TACR1: variants seen among roughly 807,000 people sequenced by gnomAD.
TACR1 encodes substance-P receptor.
TACR1 carries 25 observed loss-of-function variants against 35.8 expected under a neutral mutation model. The observed-to-expected ratio is 0.70, with a 90% CI of 0.51 to 0.98. The LOEUF is 0.98. Among genes scored for constraint, TACR1 ranks in the 50% least tolerant of loss-of-function variants. The probability of loss-of-function intolerance (pLI) is 0.00; values close to 1 mark genes in which losing one functional copy is unlikely to be tolerated. For synonymous variants in TACR1, 195 were observed against 206.7 expected (o/e 0.94, Z 0.48); for missense variants, 478 against 522.9 (o/e 0.91, Z 0.84).
intron 2 of TACR1, among the ~76,000 whole-genome samples, chr2:75,106,627 G>GT (rs1022581889): frequency 6.6e-6 from 1 of 151,878 alleles, no homozygotes. Flanking sequence ...ATAAATGGAA[G>GT]TAAAAAATGA....
chr2:75,121,787 T>C (rs1453559409), intron 1 of TACR1, among the ~76,000 whole-genome samples: 1 of 152,204 alleles, frequency 6.6e-6, no homozygotes, highest in Non-Finnish European at 1.5e-5. Context: ...CATTTAAATA[T>C]TATCTGACAA....
intron 1 of TACR1, among the ~76,000 whole-genome samples, chr2:75,182,627 G>A (rs768269281): frequency 1.3e-5 from 2 of 152,170 alleles, no homozygotes; most frequent in African/African-American, 2.4e-5. Flanking sequence ...CTATGGGTTG[G>A]TATGTTTGGA....
intron 1 of TACR1, among the ~76,000 whole-genome samples, chr2:75,154,847 C>A (rs917503348): frequency 6.6e-6 from 1 of 152,126 alleles, no homozygotes; most frequent in Non-Finnish European, 1.5e-5. Flanking sequence ...CTCCCTTATC[C>A]CTCCTTTCGG....
intron 1 of TACR1, among the ~76,000 whole-genome samples, chr2:75,180,454 A>G (rs577549269): frequency 4.6e-5 from 7 of 152,342 alleles, no homozygotes; most frequent in South Asian, 4.1e-4. Flanking sequence ...CCCCTACATT[A>G]AATCTGGTCT....
At chr2:75,153,990 T>C (rs1674737187) in intron 1 of TACR1, among the ~76,000 whole-genome samples, 1 of 152,142 alleles carries the variant, frequency 6.6e-6, no homozygotes, top group Admixed American at 6.5e-5. Flanking sequence ...TCACTTTTGA[T>C]AAGGAAACTG....
intron 2 of TACR1, among the ~76,000 whole-genome samples, chr2:75,097,986 A>G (rs1160223829): frequency 6.6e-6 from 1 of 152,220 alleles, no homozygotes; most frequent in African/African-American, 2.4e-5. Context: ...ATGTCACTGA[A>G]CATGGAGTTG....
chr2:75,098,318 A>G (rs996654331), intron 2 of TACR1, among the ~76,000 whole-genome samples: 2 of 152,144 alleles, frequency 1.3e-5, no homozygotes, highest in Non-Finnish European at 2.9e-5. Flanking sequence ...GCATTTTCTC[A>G]TGTTATCACA....
intron 2 of TACR1, among the ~76,000 whole-genome samples, chr2:75,068,801 T>G (rs1307552392): frequency 1.3e-5 from 2 of 152,114 alleles, no homozygotes; most frequent in African/African-American, 4.8e-5. Context: ...GAGAGACAGT[T>G]TAAGTAACTG....
At chr2:75,073,224 A>G (rs911548582) in intron 2 of TACR1, among the ~76,000 whole-genome samples, 9 of 152,234 alleles carry the variant, frequency 5.9e-5, no homozygotes, top group Admixed American at 4.6e-4. Context: ...TTGGAGCTTT[A>G]GGTGTTCCTA....
intron 1 of TACR1, among the ~76,000 whole-genome samples, chr2:75,193,456 TCCAA>T (rs1200199150): frequency 6.4e-4 from 97 of 152,336 alleles, no homozygotes; most frequent in African/African-American, 2.3e-3. Flanking sequence ...TGTCGGGCAT[TCCAA>T]CTAATCGTTA....
chr2:75,078,172 T>C (rs1673015053), intron 2 of TACR1, among the ~76,000 whole-genome samples: 1 of 152,162 alleles, frequency 6.6e-6, no homozygotes, highest in Non-Finnish European at 1.5e-5. Context: ...GAAAGAGCTG[T>C]GAAGTGTGAC....
At chr2:75,146,787 A>C (rs1674525774) in intron 1 of TACR1, among the ~76,000 whole-genome samples, 1 of 152,230 alleles carries the variant, frequency 6.6e-6, no homozygotes, top group Admixed American at 6.5e-5. Flanking sequence ...AATGCTTTTT[A>C]AACTATAAAC....
At chr2:75,179,624 A>G (rs1208886388) in intron 1 of TACR1, among the ~76,000 whole-genome samples, 3 of 152,208 alleles carry the variant, frequency 2.0e-5, no homozygotes, top group Admixed American at 1.3e-4. Context: ...GGGCCTGGCC[A>G]TGTGACTAGC....
At position 75,198,701 on chromosome 2, in the gene TACR1, C is replaced by T. The variant is rs772176350; in HGVS notation, c.234G>A (p.Glu78=). 3.1e-6 allele frequency: 5 copies of T among 1,614,072 alleles called. No individual in the cohort carries two copies. Among genetic ancestry groups the T allele is most frequent in the Non-Finnish European group, 3.4e-6 (4 of 1,180,034 alleles). ...CTGTATTGAATGCAGCCATGGAGGC[C>T]TCCGCGAAGGCCAGGTTCACCAGAA... ...NYFLVNLAFA[E]ASMAAFNTVV... is the part of the protein sequence containing the mutation. The change falls in exon 1 of 5, where the codon GAG becomes GAA. Residue 78 remains glutamate, a synonymous_variant. Transcript: ENST00000305249.
intron 2 of TACR1, among the ~76,000 whole-genome samples, chr2:75,091,964 A>G (rs1223702057): frequency 6.6e-6 from 1 of 152,222 alleles, no homozygotes; most frequent in Non-Finnish European, 1.5e-5. Flanking sequence ...TCTATTAAAT[A>G]AGGACAACGA....
intron 1 of TACR1, among the ~76,000 whole-genome samples, chr2:75,121,917 CA>C (rs1673977806): frequency 6.6e-6 from 1 of 152,190 alleles, no homozygotes; most frequent in African/African-American, 2.4e-5. Context: ...GCTGGCTCCA[CA>C]TCGTTCCACA....
intron 2 of TACR1, among the ~76,000 whole-genome samples, chr2:75,101,034 T>C (rs911455993): frequency 2.6e-5 from 4 of 151,442 alleles, no homozygotes; most frequent in Non-Finnish European, 5.9e-5. Flanking sequence ...AAAAATGTGG[T>C]TGCTGTATTA....
chr2:75,196,431 A>C (rs771641228), intron 1 of TACR1, among the ~76,000 whole-genome samples: 8 of 152,188 alleles, frequency 5.3e-5, no homozygotes, highest in Non-Finnish European at 1.2e-4. Context: ...CTCTAATCTT[A>C]GGAATGCCAT....
chr2:75,180,557 C>T (rs553128442), intron 1 of TACR1, among the ~76,000 whole-genome samples: 75 of 152,240 alleles, frequency 4.9e-4, no homozygotes, highest in Non-Finnish European at 9.4e-4. Flanking sequence ...GTGCCTTTTG[C>T]ACTTTTCAAA....
Sources: allele counts gnomAD v4.1 joint callset (sites outside exome capture counted in the v4.1 genomes callset), GRCh38; gene constraint gnomAD v4.1.1; transcripts MANE v1.5; gene names NCBI Gene and HGNC (gene_info 2026-07-23, HGNC 2026-07-21).